MEAK7: variants seen among roughly 807,000 people sequenced by gnomAD.
The protein encoded by MEAK7 is MTOR associated protein MEAK7.
In MEAK7, 68 loss-of-function variants were observed where a neutral mutation model predicts 40.5. That is an observed-to-expected ratio of 1.68 (90% CI 1.38 to 2.06). The LOEUF is 2.06. Ranked by LOEUF, MEAK7 falls within the 30% of genes most tolerant of loss-of-function variation. The pLI is 0.00. For missense variants in MEAK7, 918 were observed against 580.5 expected, an observed-to-expected ratio of 1.58 and a Z score of -5.98; for synonymous variants, 338 against 231.9, an observed-to-expected ratio of 1.46 and a Z score of -4.16.
rs1250933860 is a variant in MEAK7 at position 84,479,749 on chromosome 16, C to T, written c.*164G>A. On this transcript the variant is annotated 3_prime_UTR_variant, in exon 8 of 8. Coordinates refer to ENST00000343629, the MANE Select transcript of MEAK7 (RefSeq NM_020947.4). ...TGGGAGATCCACCCATGAGTCAGGA[C>T]ATGGCTTCAGAGGGCGTCTTCTTGG... 1.1e-5 allele frequency: 5 copies of T among 446,224 alleles called. No individual in the cohort carries two copies. Among genetic ancestry groups the T allele is most frequent in the Middle Eastern group, 5.9e-4 (1 of 1,690 alleles). The allele number at this position is 446,224 out of a possible 1,614,324, so 27.6% of individuals were successfully genotyped here.
At chr16:84,486,593 C>A (rs1322441070) in intron 5 of MEAK7, 38 bp downstream of exon 5, 8 of 1,554,934 alleles carry the variant, frequency 5.1e-6, no homozygotes, top group African/African-American at 1.4e-5. Context: ...TTTGCCCGTG[C>A]TGTGCCACTC....
intron 1 of MEAK7, among the ~76,000 whole-genome samples, chr16:84,501,810 C>T (rs1038048124): frequency 1.3e-5 from 2 of 152,156 alleles, no homozygotes; most frequent in Non-Finnish European, 2.9e-5. Context: ...CAGAACGGCT[C>T]AAGGACAGCC....
At chr16:84,494,156 C>A (rs1296131553) in intron 3 of MEAK7, among the ~76,000 whole-genome samples, 1 of 152,206 alleles carries the variant, frequency 6.6e-6, no homozygotes, top group East Asian at 1.9e-4. Flanking sequence ...CAAATTATCA[C>A]TGTTGCTGCA....
chr16:84,487,839 C>T (rs1913228912), intron 4 of MEAK7: 1 of 152,198 alleles, frequency 6.6e-6, no homozygotes, highest in South Asian at 2.1e-4. Context: ...GCCTCAGTTT[C>T]CTCAGGTATA....
chr16:84,481,015 G>T (rs112737609), intron 6 of MEAK7, among the ~76,000 whole-genome samples: 5 of 151,820 alleles, frequency 3.3e-5, no homozygotes, highest in East Asian at 1.9e-4. Context: ...AATATATATA[G>T]AGAAAGAGAC....
chr16:84,497,591 G>T (rs749627181), intron 2 of MEAK7: 2 of 1,313,450 alleles, frequency 1.5e-6, no homozygotes, highest in South Asian at 2.5e-5. Context: ...TTCATCTCAA[G>T]TTAGAAATGT....
Position 84,504,650 on chromosome 16 carries a change from T to C in MEAK7, c.-75A>G. 1.0e-6 allele frequency: 1 copy of C among 985,566 alleles called. No individual in the cohort carries two copies. Among genetic ancestry groups the C allele is most frequent in the Non-Finnish European group, 1.2e-6 (1 of 830,006 alleles). The allele number at this position is 985,566 out of a possible 1,614,324, so 61.1% of individuals were successfully genotyped here. A position where few individuals can be genotyped will look rare whatever the true frequency, so the allele number is the denominator to read the frequency against. On this transcript the variant is annotated 5_prime_UTR_variant, in exon 1 of 8. Transcript: ENST00000343629. ...CGGTCCGGTCCAGCAGCCCACGGGC[T>C]CCTCTCGAGAGCCGCCCCTTCCCTG...
intron 1 of MEAK7, among the ~76,000 whole-genome samples, chr16:84,498,435 ATTT>A (rs111992656): frequency 6.9e-6 from 1 of 144,776 alleles, no homozygotes; most frequent in East Asian, 2.0e-4. Context: ...TGCCTGGCTA[ATTT>A]TTTTTTTTTT....
At chr16:84,496,252 G>C (rs374448941) in intron 2 of MEAK7, among the ~76,000 whole-genome samples, 1 of 152,140 alleles carries the variant, frequency 6.6e-6, no homozygotes, top group African/African-American at 2.4e-5. Flanking sequence ...TTATTAAAAG[G>C]CTAGGGTGGG....
At chr16:84,492,828 C>G (rs985689348) in intron 3 of MEAK7, among the ~76,000 whole-genome samples, 1 of 152,098 alleles carries the variant, frequency 6.6e-6, no homozygotes, top group Admixed American at 6.5e-5. Context: ...ATAATCCACC[C>G]ACCTTGGCCT....
chr16:84,499,802 C>G (rs1256668634), intron 1 of MEAK7: 1 of 152,162 alleles, frequency 6.6e-6, no homozygotes, highest in African/African-American at 2.4e-5. Context: ...TTTGGGAGGC[C>G]AAGGCAGGAG....
At chr16:84,486,404 G>T in intron 5 of MEAK7, 1 of 1,326,370 alleles carries the variant, frequency 7.5e-7, no homozygotes, top group East Asian at 3.0e-5. Flanking sequence ...TAATAACTGG[G>T]CCCGTGTCCT....
chr16:84,481,271 C>T (rs1912517518), intron 6 of MEAK7, among the ~76,000 whole-genome samples: 1 of 152,346 alleles, frequency 6.6e-6, no homozygotes, highest in South Asian at 2.1e-4. Context: ...GCTGTTCAAT[C>T]TCACCCTGCA....
At position 84,478,756 on chromosome 16, in the gene MEAK7, C is replaced by A. The variant is rs1361596266; in HGVS notation, c.*1157G>T. On this transcript the variant is annotated 3_prime_UTR_variant, in exon 8 of 8. Transcript: ENST00000343629. ...CTGCTGAATTTCCCATCATCCCCCT[C>A]GGGAGCAGCCCTGGGCAAATGGCTG... 1 of 152,224 alleles carries A rather than the reference C, an allele frequency of 6.6e-6. No homozygotes were observed. The highest frequency in any genetic ancestry group is 1.5e-5 in the Non-Finnish European group (1 of 68,086). 9.4% of individuals were successfully genotyped at this position (152,224 alleles called of 1,614,324 possible).
intron 4 of MEAK7, chr16:84,488,279 A>G (rs1490738535): frequency 6.6e-6 from 1 of 152,202 alleles, no homozygotes; most frequent in Non-Finnish European, 1.5e-5. Flanking sequence ...TTACTTGTAA[A>G]ATTCTTTCCA....
At chr16:84,497,754 C>A in intron 2 of MEAK7, 180 bp downstream of exon 2, 2 of 1,312,636 alleles carry the variant, frequency 1.5e-6, no homozygotes, top group Non-Finnish European at 2.1e-6. Context: ...GGAGCTACAA[C>A]AGAGACCGCA....
Position 84,486,991 on chromosome 16 carries a change from C to A in MEAK7, c.598G>T (p.Val200Leu). 2 of 1,614,156 alleles carry A rather than the reference C, an allele frequency of 1.2e-6. No homozygotes were observed. The highest frequency in any genetic ancestry group is 1.3e-5 in the African/African-American group (1 of 75,018). Residue 200 changes from valine (V) to leucine (L), a missense_variant, in exon 5 of 8, where the codon GTG (valine) becomes TTG (leucine). Val to Leu is a conservative substitution (Grantham distance 32, BLOSUM62 1). Transcript: ENST00000343629. Reference sequence around the variant, plus strand: ...ATGGCCACATGGGGGACCCTGAACACCCAGTCCTCGATCACAGCTCGGTCA... The same window carrying A: ...ATGGCCACATGGGGGACCCTGAACAACCAGTCCTCGATCACAGCTCGGTCA... ...DCDRAVIEDWVFRVPHVAIFL... is the reference protein window; with the variant it reads ...DCDRAVIEDWLFRVPHVAIFL...
chr16:84,501,727 C>T (rs1914521788), intron 1 of MEAK7, among the ~76,000 whole-genome samples: 1 of 152,252 alleles, frequency 6.6e-6, no homozygotes, highest in East Asian at 1.9e-4. Flanking sequence ...GGTGGGCAGC[C>T]CCTAAGAACA....
At chr16:84,498,188 G>C (rs1567505154) in intron 1 of MEAK7, 77 bp from the exon 2 acceptor site, 2 of 1,487,542 alleles carry the variant, frequency 1.3e-6, no homozygotes, top group Non-Finnish European at 1.8e-6. Context: ...GAATTATATG[G>C]TCAAGTTAAT....
Sources: allele counts gnomAD v4.1 joint callset (sites outside exome capture counted in the v4.1 genomes callset), GRCh38; gene constraint gnomAD v4.1.1; transcripts MANE v1.5; gene names NCBI Gene and HGNC (gene_info 2026-07-23, HGNC 2026-07-21).